Variants in OLFM3 observed in about 807,000 individuals in gnomAD.
OLFM3 encodes the protein noelin-3.
Under a neutral mutation model 48.6 loss-of-function variants are expected in OLFM3, and 20 were observed. That is an observed-to-expected ratio of 0.41 (90% confidence interval 0.29 to 0.60). The LOEUF (loss-of-function observed/expected upper bound fraction) is 0.60. Ranked by LOEUF, OLFM3 falls within the 20% of genes least tolerant of loss-of-function variation. The pLI is 0.28. For missense variants in OLFM3, 437 were observed against 544.3 expected, an observed-to-expected ratio of 0.80 and a Z score of 1.96; for synonymous variants, 222 against 198.1, an observed-to-expected ratio of 1.12 and a Z score of -1.01.
chr1:101,967,590 GAAAAAAA>G (rs71592233), intron 1 of OLFM3, among the ~76,000 whole-genome samples: 35 of 44,580 alleles, frequency 7.9e-4, no homozygotes, highest in East Asian at 3.5e-3. Flanking sequence ...CCTAGTCAGT[GAAAAAAA>G]AAAAAAAAAA....
At chr1:101,867,938 A>G (rs1656921424) in intron 1 of OLFM3, among the ~76,000 whole-genome samples, 1 of 152,134 alleles carries the variant, frequency 6.6e-6, no homozygotes, top group Admixed American at 6.6e-5. Flanking sequence ...ACAAGATCTG[A>G]TGATTTTATA....
rs757663625 is a variant in OLFM3, at chr1:101,836,862, G to A, written c.216+17C>T. Reference sequence around the variant, plus strand: ...CGATTTTACTAAAAATATGCATAGGGGACACAGGACACCTACCTTTTCCAG... The same window carrying A: ...CGATTTTACTAAAAATATGCATAGGAGACACAGGACACCTACCTTTTCCAG... On this transcript the variant is annotated intron_variant, in intron 2 of 5. Coordinates refer to ENST00000370103, the MANE Select transcript of OLFM3 (RefSeq NM_058170.4). 2 of 1,612,532 alleles carry A rather than the reference G, an allele frequency of 1.2e-6. No individual in the cohort carries two copies. The highest frequency in any genetic ancestry group is 1.7e-6 in the Non-Finnish European group (2 of 1,178,728).
intron 2 of OLFM3, 58 bp downstream of exon 2, chr1:101,836,821 C>G: frequency 4.5e-6 from 7 of 1,545,276 alleles, no homozygotes; most frequent in Non-Finnish European, 6.2e-6. Context: ...ACCATATTTC[C>G]TTTTGAAAGA....
rs115367927 is a variant in OLFM3 at position 101,866,093 on chromosome 1, T to C, written c.70-29068A>G. Among the ~76,000 whole-genome samples, 1,349 of 152,318 alleles carry C rather than the reference T, an allele frequency of 8.9e-3. 30 individuals are homozygous for C. Among genetic ancestry groups the C allele is most frequent in the African/African-American group, 0.031 (1,295 of 41,582 alleles). ...GCACTAATGACCATTCATTTGTATA[T>C]TTAAAATACAGCCAGATGAAATAAA... On this transcript the variant is annotated intron_variant, in intron 1 of 5. Transcript: ENST00000370103.
intron 3 of OLFM3, among the ~76,000 whole-genome samples, chr1:101,828,297 T>C (rs1330431684): frequency 6.6e-6 from 1 of 152,224 alleles, no homozygotes; most frequent in Non-Finnish European, 1.5e-5. Context: ...AAATAGTGCC[T>C]GAGTTACAAG....
intron 1 of OLFM3, among the ~76,000 whole-genome samples, chr1:101,981,095 G>A (rs1661093713): frequency 6.6e-6 from 1 of 152,104 alleles, no homozygotes; most frequent in Non-Finnish European, 1.5e-5. Context: ...ACACTTCTCT[G>A]TCACTGTGAG....
chr1:101,968,064 T>C (rs12138851), intron 1 of OLFM3, among the ~76,000 whole-genome samples: 28,000 of 152,148 alleles, frequency 0.18, 2,795 homozygotes, highest in Non-Finnish European at 0.2. Context: ...AGTAGTTCCA[T>C]GATGCATTGG....
chr1:101,990,085 A>C (rs555209896), intron 1 of OLFM3, among the ~76,000 whole-genome samples: 16 of 152,300 alleles, frequency 1.1e-4, no homozygotes, highest in African/African-American at 3.8e-4. Context: ...GATTAGTTTA[A>C]AAGTTCTTTT....
chr1:101,904,770 C>T (rs933927080), intron 1 of OLFM3, among the ~76,000 whole-genome samples: 1 of 152,066 alleles, frequency 6.6e-6, no homozygotes, highest in Non-Finnish European at 1.5e-5. Flanking sequence ...GAGAATAACT[C>T]TTACAATTAT....
intron 1 of OLFM3, among the ~76,000 whole-genome samples, chr1:101,982,357 A>C (rs973609894): frequency 6.6e-6 from 1 of 152,112 alleles, no homozygotes; most frequent in Non-Finnish European, 1.5e-5. Context: ...TTAGATGATT[A>C]AAATAAATAG....
chr1:101,810,777 GCTCTTTAA>G, intron 4 of OLFM3, among the ~76,000 whole-genome samples: 1 of 151,548 alleles, frequency 6.6e-6, no homozygotes, highest in Non-Finnish European at 1.5e-5. Flanking sequence ...GCAATCTCTT[GCTCTTTAA>G]TTCTTTCAAC....
intron 1 of OLFM3, among the ~76,000 whole-genome samples, chr1:101,956,952 A>G (rs752336412): frequency 2.0e-5 from 3 of 151,904 alleles, no homozygotes; most frequent in Non-Finnish European, 4.4e-5. Context: ...CTCCTCCAAG[A>G]TAGAGAATGT....
At chr1:101,966,342 TGTGTGTGTGC>T (rs1324260564) in intron 1 of OLFM3, among the ~76,000 whole-genome samples, 8 of 143,630 alleles carry the variant, frequency 5.6e-5, no homozygotes, top group South Asian at 2.2e-4. Context: ...TGTGTGTGTG[TGTGTGTGTGC>T]GCTACAGATA....
At chr1:101,974,149 C>T (rs1478018081) in intron 1 of OLFM3, among the ~76,000 whole-genome samples, 2 of 145,308 alleles carry the variant, frequency 1.4e-5, no homozygotes, top group Non-Finnish European at 3.1e-5. Flanking sequence ...GGCTGGATCA[C>T]GGTGGATGCT....
chr1:101,944,399 A>G (rs1659891782), intron 1 of OLFM3, among the ~76,000 whole-genome samples: 1 of 152,172 alleles, frequency 6.6e-6, no homozygotes, highest in Admixed American at 6.5e-5. Flanking sequence ...AGGAAAGATA[A>G]AGGAAAGAGC....
chr1:101,853,231 T>C (rs909995344), intron 1 of OLFM3, among the ~76,000 whole-genome samples: 16 of 152,074 alleles, frequency 1.1e-4, no homozygotes, highest in Admixed American at 1.1e-3. Flanking sequence ...GCCCCCTGGC[T>C]GTTTCTCAGA....
At chr1:101,897,891 CA>C (rs984515431) in intron 1 of OLFM3, among the ~76,000 whole-genome samples, 2 of 152,024 alleles carry the variant, frequency 1.3e-5, no homozygotes, top group Non-Finnish European at 2.9e-5. Flanking sequence ...AGATCACAAA[CA>C]AAAACACTTC....
chr1:101,914,294 A>G (rs1438685562), intron 1 of OLFM3, among the ~76,000 whole-genome samples: 1 of 152,066 alleles, frequency 6.6e-6, no homozygotes, highest in African/African-American at 2.4e-5. Context: ...TACTGCCCAC[A>G]CCCAATTTCT....
chr1:101,975,885 T>C (rs989590700), intron 1 of OLFM3, among the ~76,000 whole-genome samples: 40 of 151,458 alleles, frequency 2.6e-4, no homozygotes, highest in African/African-American at 9.2e-4. Context: ...ACAAAGAATA[T>C]GCAAAAATCA....
Sources: gnomAD v4.1 joint callset for allele counts (sites outside exome capture counted in the v4.1 genomes callset) on GRCh38, gnomAD v4.1.1 for gene constraint, MANE v1.5 for transcripts, NCBI Gene and HGNC (gene_info 2026-07-23, HGNC 2026-07-21) for gene names.